Variants in TRIM44 observed in about 807,000 individuals in gnomAD.
TRIM44 encodes the protein tripartite motif-containing protein 44.
A neutral mutation model predicts 37.4 loss-of-function variants in TRIM44; 13 were observed. The observed-to-expected ratio is 0.35, with a 90% confidence interval of 0.23 to 0.55. The LOEUF (loss-of-function observed/expected upper bound fraction) is 0.55. Among genes scored for constraint, TRIM44 ranks in the 20% least tolerant of loss-of-function variants. TRIM44 has a pLI of 0.89. For synonymous variants in TRIM44, 175 were observed against 157.2 expected (o/e 1.11, Z -0.85); for missense variants, 426 against 437.2 (o/e 0.97, Z 0.23).
intron 4 of TRIM44, among the ~76,000 whole-genome samples, chr11:35,777,760 C>G (rs534391992): frequency 6.6e-6 from 1 of 152,144 alleles, no homozygotes; most frequent in Non-Finnish European, 1.5e-5. Flanking sequence ...AAATTCTTTT[C>G]TTTTAGAATT....
chr11:35,663,252 G>T lies in TRIM44; in HGVS notation c.141G>T (p.Ala47=), dbSNP rs757375154. ...GFCYCRRHAE[A]HRQKFLSHHL... ...GCTACTGCCGCCGCCATGCCGAGGCGCACAGGCAGAAGTTCCTCAGTCACC... is the reference window on the plus strand; with the variant it reads ...GCTACTGCCGCCGCCATGCCGAGGCTCACAGGCAGAAGTTCCTCAGTCACC... The change falls in exon 1 of 5, where the codon GCG becomes GCT. Residue 47 remains alanine, a synonymous_variant. Transcript: ENST00000299413. The T allele has an allele frequency of 2.4e-5, 39 of 1,609,424 alleles. No individual in the cohort carries two copies. The highest frequency in any genetic ancestry group is 5.3e-5 in the African/African-American group (4 of 74,838).
chr11:35,801,925 A>G (rs1853376741), intron 4 of TRIM44, among the ~76,000 whole-genome samples: 1 of 152,192 alleles, frequency 6.6e-6, no homozygotes, highest in Non-Finnish European at 1.5e-5. Context: ...CCCGTTTTTA[A>G]ATTAATTCCT....
chr11:35,817,687 C>G lies in TRIM44; in HGVS notation c.*11302C>G, dbSNP rs1410375109. 1 of 152,196 alleles carries G rather than the reference C, an allele frequency of 6.6e-6. No individual in the cohort carries two copies. The highest frequency in any genetic ancestry group is 1.5e-5 in the Non-Finnish European group (1 of 68,042). 9.4% of individuals were successfully genotyped at this position (152,196 alleles called of 1,614,324 possible). A position where few individuals can be genotyped will look rare whatever the true frequency, so the allele number is the denominator to read the frequency against. On this transcript the variant is annotated 3_prime_UTR_variant, in exon 5 of 5. Coordinates refer to ENST00000299413, the MANE Select transcript of TRIM44 (RefSeq NM_017583.6). Reference sequence around the variant, plus strand: ...TTTGCCTCTGTGTCCCCACCCAAATCTCATGTTGAAATGTAATCCCCAATG... The same window carrying G: ...TTTGCCTCTGTGTCCCCACCCAAATGTCATGTTGAAATGTAATCCCCAATG...
At chr11:35,718,521 A>G (rs1167789506) in intron 2 of TRIM44, among the ~76,000 whole-genome samples, 1 of 152,160 alleles carries the variant, frequency 6.6e-6, no homozygotes, top group African/African-American at 2.4e-5. Context: ...CCCAACTATT[A>G]TCATCCTGTA....
At chr11:35,798,216 A>G (rs188355951) in intron 4 of TRIM44, among the ~76,000 whole-genome samples, 2 of 152,294 alleles carry the variant, frequency 1.3e-5, no homozygotes, top group Admixed American at 6.5e-5. Flanking sequence ...AAAGGAAGCA[A>G]TTGGATATGC....
intron 1 of TRIM44, among the ~76,000 whole-genome samples, chr11:35,668,191 A>T (rs762726443): frequency 6.6e-6 from 1 of 152,134 alleles, no homozygotes; most frequent in Non-Finnish European, 1.5e-5. Context: ...ACTGATCACC[A>T]ACATTTTATT....
intron 4 of TRIM44, among the ~76,000 whole-genome samples, chr11:35,759,864 C>A (rs1351108417): frequency 1.3e-5 from 2 of 152,144 alleles, no homozygotes; most frequent in Admixed American, 1.3e-4. Flanking sequence ...GAAGTTTTGT[C>A]TCAGAGGAGT....
intron 4 of TRIM44, among the ~76,000 whole-genome samples, chr11:35,776,513 C>T (rs527595185): frequency 4.3e-4 from 65 of 152,208 alleles, no homozygotes; most frequent in African/African-American, 1.5e-3. Context: ...TTTGAATGTG[C>T]TTGCTCTTGC....
At chr11:35,748,958 A>G (rs557571227) in intron 4 of TRIM44, among the ~76,000 whole-genome samples, 4 of 152,190 alleles carry the variant, frequency 2.6e-5, no homozygotes, top group Non-Finnish European at 4.4e-5. Context: ...CCAAACTTCC[A>G]TGATGTATGT....
chr11:35,752,505 C>T (rs1195218649), intron 4 of TRIM44, among the ~76,000 whole-genome samples: 1 of 151,638 alleles, frequency 6.6e-6, no homozygotes. Context: ...CCCTCCCTCA[C>T]CCCTCCACAG....
chr11:35,789,105 T>A (rs1194887880), intron 4 of TRIM44, among the ~76,000 whole-genome samples: 2 of 152,180 alleles, frequency 1.3e-5, no homozygotes, highest in Non-Finnish European at 2.9e-5. Context: ...CTGAAAAATA[T>A]TTATTTTATT....
At chr11:35,696,102 G>GT (rs1466258790) in intron 2 of TRIM44, among the ~76,000 whole-genome samples, 1 of 150,798 alleles carries the variant, frequency 6.6e-6, no homozygotes, top group Admixed American at 6.6e-5. Flanking sequence ...CCAGGTTACC[G>GT]TAAGTCATTC....
At chr11:35,666,018 A>G (rs190880786) in intron 1 of TRIM44, among the ~76,000 whole-genome samples, 91 of 152,262 alleles carry the variant, frequency 6.0e-4, no homozygotes, top group South Asian at 3.7e-3. Context: ...AAACTTATCA[A>G]TACTTTTCCT....
chr11:35,763,432 G>A (rs1852754149), intron 4 of TRIM44, among the ~76,000 whole-genome samples: 1 of 152,198 alleles, frequency 6.6e-6, no homozygotes, highest in Non-Finnish European at 1.5e-5. Context: ...AGGAATAAGG[G>A]AGAAGGATGG....
At position 35,726,745 on chromosome 11, in the gene TRIM44, T is replaced by C. The variant is rs1254062079; in HGVS notation, c.987+582T>C. 3.3e-5 allele frequency among the ~76,000 whole-genome samples: 5 copies of C among 152,032 alleles called. No homozygotes were observed. The East Asian group carries it at 9.6e-4, about 29-fold the overall frequency. ...TAAATGTTGAATCACTATACAAATG[T>C]TAGTTGTCATATTCATTGTTATTTT... On this transcript the variant is annotated intron_variant, in intron 3 of 4. Coordinates refer to ENST00000299413, the MANE Select transcript of TRIM44 (RefSeq NM_017583.6).
intron 2 of TRIM44, among the ~76,000 whole-genome samples, chr11:35,710,459 T>G (rs1851955597): frequency 6.6e-6 from 1 of 152,072 alleles, no homozygotes. Context: ...AAAACAAGTT[T>G]ATTAACATAT....
At chr11:35,797,215 G>T (rs1246384210) in intron 4 of TRIM44, among the ~76,000 whole-genome samples, 1 of 152,092 alleles carries the variant, frequency 6.6e-6, no homozygotes, top group East Asian at 1.9e-4. Flanking sequence ...GCACTCAAAG[G>T]CCAAAGCTGA....
At chr11:35,729,642 G>GA (rs1024858064) in intron 3 of TRIM44, among the ~76,000 whole-genome samples, 4 of 152,196 alleles carry the variant, frequency 2.6e-5, no homozygotes, top group African/African-American at 9.7e-5. Flanking sequence ...GGAGAATGTA[G>GA]AATGGAGTCC....
At chr11:35,762,658 C>T (rs930428083) in intron 4 of TRIM44, among the ~76,000 whole-genome samples, 4 of 152,022 alleles carry the variant, frequency 2.6e-5, no homozygotes, top group African/African-American at 9.7e-5. Context: ...TAATTAAGAA[C>T]CAAATACATA....
Sources: gnomAD v4.1 joint callset for allele counts (sites outside exome capture counted in the v4.1 genomes callset) on GRCh38, gnomAD v4.1.1 for gene constraint, MANE v1.5 for transcripts, NCBI Gene and HGNC (gene_info 2026-07-23, HGNC 2026-07-21) for gene names.